The following ZNF609 variants were observed in gnomAD, a reference collection of about 807,000 sequenced individuals.
The protein encoded by ZNF609 is zinc finger protein 609.
In ZNF609, 11 loss-of-function variants were observed where a neutral mutation model predicts 109.5. The observed-to-expected ratio is 0.10, with a 90% CI of 0.06 to 0.17. The LOEUF is 0.17. ZNF609 is among the 10% of genes least tolerant of loss of function. The pLI is 1.00. For missense variants in ZNF609, 1,559 were observed against 1,772.4 expected (o/e 0.88, Z 2.16); for synonymous variants, 646 against 662.0 (o/e 0.98, Z 0.37).
intron 5 of ZNF609, among the ~76,000 whole-genome samples, chr15:64,676,556 G>C (rs1451228240): frequency 6.6e-6 from 1 of 150,994 alleles, no homozygotes; most frequent in Non-Finnish European, 1.5e-5. Context: ...TCAGCCTCCC[G>C]AGTAGCTGAG....
chr15:64,554,786 T>A (rs768183739), intron 2 of ZNF609, among the ~76,000 whole-genome samples: 4 of 152,144 alleles, frequency 2.6e-5, no homozygotes, highest in Non-Finnish European at 2.9e-5. Flanking sequence ...ATTCTTGGAT[T>A]TGATTTGCTA....
At chr15:64,667,698 G>A (rs1241218910) in intron 3 of ZNF609, among the ~76,000 whole-genome samples, 1 of 151,304 alleles carries the variant, frequency 6.6e-6, no homozygotes, top group African/African-American at 2.4e-5. Flanking sequence ...GGCAACAAGA[G>A]TGAAACTCTG....
chr15:64,570,039 A>G (rs1894837106), intron 2 of ZNF609, among the ~76,000 whole-genome samples: 1 of 152,156 alleles, frequency 6.6e-6, no homozygotes, highest in South Asian at 2.1e-4. Flanking sequence ...TACTTTTTAA[A>G]ATAGAGATAG....
chr15:64,588,345 A>G (rs28725377), intron 2 of ZNF609, among the ~76,000 whole-genome samples: 139,532 of 142,372 alleles, frequency 0.98, 68,437 homozygotes, highest in East Asian at 1. Context: ...GGAGAATGGC[A>G]TGAACCCAGG....
chr15:64,630,091 C>CTTTTTTTTTTTTTTT (rs200425813), intron 3 of ZNF609, among the ~76,000 whole-genome samples: 1 of 143,062 alleles, frequency 7.0e-6, no homozygotes, highest in African/African-American at 2.7e-5. Flanking sequence ...TCCTAATTTT[C>CTTTTTTTTTTTTTTT]TTTTTTCTTT....
intron 2 of ZNF609, among the ~76,000 whole-genome samples, chr15:64,525,493 G>T (rs986371642): frequency 6.6e-6 from 1 of 152,156 alleles, no homozygotes; most frequent in Non-Finnish European, 1.5e-5. Flanking sequence ...TGTAGTAAGT[G>T]TTGAGAATTG....
In ZNF609 at chr15:64,564,845, T is replaced by C. The variant is rs938854146; in HGVS notation, c.748-57982T>C. Reference sequence around the variant, plus strand: ...GTTATACACATTGCTCACTAACTGTTTTTTTTTTTTTTTCTTTTTAGAAAC... The same window carrying C: ...GTTATACACATTGCTCACTAACTGTCTTTTTTTTTTTTTCTTTTTAGAAAC... On this transcript the variant is annotated intron_variant, in intron 2 of 9. Transcript: ENST00000326648. 2.5e-3 allele frequency among the ~76,000 whole-genome samples: 377 copies of C among 148,370 alleles called. 1 individual carries two copies. Among genetic ancestry groups the C allele is most frequent in the Middle Eastern group, 7.0e-3 (2 of 286 alleles).
intron 2 of ZNF609, among the ~76,000 whole-genome samples, chr15:64,601,740 A>G (rs1306139586): frequency 6.6e-6 from 1 of 152,216 alleles, no homozygotes; most frequent in Non-Finnish European, 1.5e-5. Flanking sequence ...CAAACGTTCA[A>G]ATTTTCAAAA....
chr15:64,645,105 C>CCCTTCCTTCCTTCCTTCCTT (rs71133464), intron 3 of ZNF609, among the ~76,000 whole-genome samples: 6 of 90,716 alleles, frequency 6.6e-5, no homozygotes, highest in African/African-American at 3.0e-4. Flanking sequence ...CTCCCTCCCT[C>CCCTTCCTTCCTTCCTTCCTT]CCTTCCTTCC....
chr15:64,666,557 G>T (rs1349290252), intron 3 of ZNF609, among the ~76,000 whole-genome samples: 1 of 151,972 alleles, frequency 6.6e-6, no homozygotes, highest in Non-Finnish European at 1.5e-5. Flanking sequence ...AGGCTGGAGT[G>T]CAGTAGCACA....
In ZNF609 at chr15:64,675,716, C is replaced by G; in HGVS notation, c.2862C>G (p.Ser954=). Residue 954 remains serine, a synonymous_variant, in exon 5 of 10, where the codon TCC becomes TCG. Coordinates refer to ENST00000326648, the MANE Select transcript of ZNF609 (RefSeq NM_015042.2). ...AAAAGAAGCCCGAGCTGAGCAGTTC[C>G]AGTCAGCAGCCCTCGGTCATCCAGC... The part of the protein sequence containing the change: ...CEEKKPELSS[S]SQQPSVIQQR... 1 of 1,614,174 alleles carries G rather than the reference C, an allele frequency of 6.2e-7. No individual in the cohort carries two copies. The highest frequency in any genetic ancestry group is 8.5e-7 in the Non-Finnish European group (1 of 1,180,040).
At chr15:64,575,087 CT>C (rs1894927161) in intron 2 of ZNF609, among the ~76,000 whole-genome samples, 1 of 152,124 alleles carries the variant, frequency 6.6e-6, no homozygotes, top group Non-Finnish European at 1.5e-5. Flanking sequence ...GTGGAAAGTG[CT>C]TTTCATTTTT....
At chr15:64,653,340 C>T (rs1206547206) in intron 3 of ZNF609, among the ~76,000 whole-genome samples, 2 of 151,986 alleles carry the variant, frequency 1.3e-5, no homozygotes, top group Non-Finnish European at 2.9e-5. Context: ...CCCCCTCATT[C>T]TAGATTATAA....
At chr15:64,609,752 G>C (rs1445843225) in intron 2 of ZNF609, among the ~76,000 whole-genome samples, 1 of 151,392 alleles carries the variant, frequency 6.6e-6, no homozygotes, top group South Asian at 2.1e-4. Flanking sequence ...ATAAGGCCGG[G>C]TGTGGTGGCT....
chr15:64,472,936 T>C (rs1893111375), intron 1 of ZNF609, among the ~76,000 whole-genome samples: 1 of 152,172 alleles, frequency 6.6e-6, no homozygotes, highest in East Asian at 1.9e-4. Flanking sequence ...CATTTATCTG[T>C]TTTGGAACAG....
rs535332048 is a variant in ZNF609, at chr15:64,593,023, C to T, written c.748-29804C>T. On this transcript the variant is annotated intron_variant, in intron 2 of 9. Transcript: ENST00000326648. Reference sequence around the variant, plus strand: ...ACAATGGTCGTGCCAAAAAGGGCCGCGGCCACATGCAGCCTATTCGCTGCA... The same window carrying T: ...ACAATGGTCGTGCCAAAAAGGGCCGTGGCCACATGCAGCCTATTCGCTGCA... The T allele has an allele frequency of 6.6e-5, 105 of 1,583,524 alleles. 1 individual carries two copies. In the Middle Eastern group the frequency reaches 2.2e-3, roughly 33 times the overall value.
In ZNF609 at chr15:64,598,742, GTATATATATATATATATATATA is replaced by G. The variant is rs1169879124; in HGVS notation, c.748-24061_748-24040del. On this transcript the variant is annotated intron_variant, in intron 2 of 9. Coordinates refer to ENST00000326648, the MANE Select transcript of ZNF609 (RefSeq NM_015042.2). ...CTGTCCATCATACATCTTTGTGTGT[GTATATATATATATATATATATA>G]TATATATATATATATATATATATCC... Among the ~76,000 whole-genome samples, 163 of 60,280 alleles carry G rather than the reference GTATATATATATATATATATATA, an allele frequency of 2.7e-3. 1 individual carries two copies. Among genetic ancestry groups the G allele is most frequent in the Admixed American group, 0.011 (50 of 4,536 alleles). The allele number at this position is 60,280 out of a possible 152,430, so 39.5% of individuals were successfully genotyped here.
At chr15:64,489,173 G>GT (rs796158312) in intron 1 of ZNF609, among the ~76,000 whole-genome samples, 2,205 of 144,432 alleles carry the variant, frequency 0.015, 39 homozygotes, top group African/African-American at 0.043. Flanking sequence ...CTAGTTTTGT[G>GT]TTTTTTTTTT....
chr15:64,465,176 T>G (rs982373501), intron 1 of ZNF609, among the ~76,000 whole-genome samples: 1 of 152,196 alleles, frequency 6.6e-6, no homozygotes, highest in Non-Finnish European at 1.5e-5. Flanking sequence ...GAAAATTTCT[T>G]GCTTTCAGTA....
Sources: gnomAD v4.1 joint callset for allele counts (sites outside exome capture counted in the v4.1 genomes callset) on GRCh38, gnomAD v4.1.1 for gene constraint, MANE v1.5 for transcripts, NCBI Gene and HGNC (gene_info 2026-07-23, HGNC 2026-07-21) for gene names.